Variants in HEATR9 observed in about 807,000 individuals in gnomAD.
HEATR9 encodes HEAT repeat containing 9, also known as protein HEATR9.
A neutral mutation model predicts 68.2 loss-of-function variants in HEATR9; 54 were observed. The ratio of observed to expected loss-of-function variants is 0.79; its 90% CI spans 0.64 to 0.99. The LOEUF is 0.99. Ranked by LOEUF, HEATR9 falls within the 50% of genes least tolerant of loss-of-function variation. The pLI is 0.00. For missense variants in HEATR9, 662 were observed against 679.7 expected, an observed-to-expected ratio of 0.97 and a Z score of 0.29; for synonymous variants, 241 against 253.5, an observed-to-expected ratio of 0.95 and a Z score of 0.47.
chr17:35,864,753 C>T lies in HEATR9; in HGVS notation c.453+5G>A, dbSNP rs1361175282. 6.2e-7 allele frequency: 1 copy of T among 1,614,092 alleles called. No individual in the cohort carries two copies. Among genetic ancestry groups the T allele is most frequent in the Non-Finnish European group, 8.5e-7 (1 of 1,180,042 alleles). ...CCCCCACGTCCTCTCCCACATGGTC[C>T]TGACCCTTAATCTTTGCCACTTCAG... On this transcript the variant is annotated splice_donor_5th_base_variant and intron_variant, in intron 4 of 14. Coordinates refer to ENST00000604834, the MANE Select transcript of HEATR9 (RefSeq NM_152781.4).
In HEATR9 at chr17:35,859,045, T is replaced by C. The variant is rs1384646448; in HGVS notation, c.782A>G (p.Lys261Arg). The C allele has an allele frequency of 6.2e-7, 1 of 1,614,194 alleles. No individual in the cohort carries two copies. The highest frequency in any genetic ancestry group is 8.5e-7 in the Non-Finnish European group (1 of 1,180,024). The change falls in exon 9 of 15, where the codon AAG (lysine) becomes AGG (arginine). Residue 261 changes from lysine to arginine, a missense_variant. Coordinates refer to ENST00000604834, the MANE Select transcript of HEATR9 (RefSeq NM_152781.4). ...DKRTQVGDEG[K>R]LVPVLQTLIK... ...CAGTGTCTGTAGTACAGGCACCAGC[T>C]TGCCCTCATCCCCGACTTGAGTCCT... is the stretch of plus-strand genomic sequence containing the variant.
chr17:35,857,140 T>TA (rs2087801789), intron 11 of HEATR9, among the ~76,000 whole-genome samples: 2 of 151,900 alleles, frequency 1.3e-5, no homozygotes, highest in Admixed American at 1.3e-4. Context: ...GAGAGCATAT[T>TA]AAAAAATCTG....
chr17:35,865,548 C>A (rs1249985673), intron 2 of HEATR9, 152 bp from the exon 3 acceptor site: 1 of 601,560 alleles, frequency 1.7e-6, no homozygotes, highest in African/African-American at 1.9e-5. Flanking sequence ...TACCACCTAA[C>A]CCCTTGCATA....
intron 8 of HEATR9, 61 bp downstream of exon 8, chr17:35,862,934 C>T (rs1200284319): frequency 6.2e-7 from 1 of 1,611,212 alleles, no homozygotes; most frequent in East Asian, 2.2e-5. Flanking sequence ...CAACCCCAAG[C>T]TAAACCTATC....
Position 35,858,258 on chromosome 17 carries a change from C to T in HEATR9, c.1094G>A (p.Gly365Glu), listed in dbSNP as rs747623830. Residue 365 changes from glycine (G) to glutamate (E), a missense_variant, in exon 11 of 15, where the codon GGG becomes GAG. Gly to Glu is a moderately conservative substitution (Grantham distance 98, BLOSUM62 -2). Coordinates refer to ENST00000604834, the MANE Select transcript of HEATR9 (RefSeq NM_152781.4). ...CAGGTTAAATGTGAGTTCCTCTAGC[C>T]CCTGTGCCTGGATCTGTTCCAGCCC... ...TIGLEQIQAQ[G>E]LEELTFNLLR... The T allele has an allele frequency of 6.2e-7, 1 of 1,614,078 alleles. No individual in the cohort carries two copies. Among genetic ancestry groups the T allele is most frequent in the Non-Finnish European group, 8.5e-7 (1 of 1,180,002 alleles).
intron 12 of HEATR9, 99 bp downstream of exon 12, chr17:35,856,633 T>TCACTGACCCTCTGACCCCTTCC: frequency 9.3e-7 from 1 of 1,076,772 alleles, no homozygotes; most frequent in East Asian, 2.6e-5. Context: ...TTCTCAGCTC[T>TCACTGACCCTCTGACCCCTTCC]CACTGACCCT....
chr17:35,855,400 G>A lies in HEATR9; in HGVS notation c.1376C>T (p.Thr459Ile). Residue 459 changes from threonine to isoleucine, a missense_variant, in exon 15 of 15, where the codon ACA (threonine) becomes ATA (isoleucine). By Grantham distance (89) the Thr-to-Ile change is moderately conservative (BLOSUM62 -1). Coordinates refer to ENST00000604834, the MANE Select transcript of HEATR9 (RefSeq NM_152781.4). ...ATCAATTGAGGCACAAAGGATTAATGTTTCTTGTAGCTGCATTGAAACAAA... is the reference window on the plus strand; with the variant it reads ...ATCAATTGAGGCACAAAGGATTAATATTTCTTGTAGCTGCATTGAAACAAA... ...HQAVKKSLQE[T>I]LILCASIDPW... is the part of the protein sequence containing the mutation. 1.2e-6 allele frequency: 2 copies of A among 1,612,582 alleles called. No individual in the cohort carries two copies. The highest frequency in any genetic ancestry group is 1.7e-6 in the Non-Finnish European group (2 of 1,179,080).
At chr17:35,868,172 T>C (rs2088276274) in intron 1 of HEATR9, among the ~76,000 whole-genome samples, 1 of 152,210 alleles carries the variant, frequency 6.6e-6, no homozygotes, top group African/African-American at 2.4e-5. Flanking sequence ...CAGAAGTGTT[T>C]CTTAGTGATT....
At chr17:35,857,133 A>G (rs1301935101) in intron 11 of HEATR9, among the ~76,000 whole-genome samples, 1 of 152,034 alleles carries the variant, frequency 6.6e-6, no homozygotes, top group Non-Finnish European at 1.5e-5. Flanking sequence ...CAGAGGGGAG[A>G]GCATATTAAA....
rs527563794 is a variant in HEATR9 at position 35,857,389 on chromosome 17, G to A, written c.1153-584C>T. On this transcript the variant is annotated intron_variant, in intron 11 of 14. Transcript: ENST00000604834. ...TGGAAGCAGCATAAGCCATCCACAG[G>A]GCATTGGGAGCCAATAGAAAGTTTT... 2.4e-4 allele frequency among the ~76,000 whole-genome samples: 36 copies of A among 152,234 alleles called. 1 individual carries two copies. In the South Asian group the frequency reaches 7.0e-3, roughly 30 times the overall value.
Position 35,856,226 on chromosome 17 carries a change from T to C in HEATR9, c.1227-2A>G. On this transcript the variant is annotated splice_acceptor_variant, in intron 12 of 14. Transcript: ENST00000604834. LOFTEE classifies it high-confidence loss of function. ...GTGGCATCTGGGTTCATCAGTTGTC[T>C]GTGTAGAAGGGAGTGAGTATGTTAT... is the stretch of plus-strand genomic sequence containing the variant. 1 of 1,614,116 alleles carries C rather than the reference T, an allele frequency of 6.2e-7. No individual in the cohort carries two copies. Among genetic ancestry groups the C allele is most frequent in the Non-Finnish European group, 8.5e-7 (1 of 1,180,002 alleles).
intron 13 of HEATR9, 30 bp downstream of exon 13, chr17:35,856,143 A>G (rs2087763225): frequency 1.2e-6 from 2 of 1,607,008 alleles, no homozygotes; most frequent in African/African-American, 1.3e-5. Context: ...CAACACAGGA[A>G]TTGGGTCAGA....
At chr17:35,863,164 G>A (rs1212929640) in intron 7 of HEATR9, 39 bp from the exon 8 acceptor site, 1 of 1,611,042 alleles carries the variant, frequency 6.2e-7, no homozygotes, top group African/African-American at 1.3e-5. Context: ...CAGAGCCTCT[G>A]GTACTGCCCC....
At chr17:35,865,157 C>T in intron 3 of HEATR9, 58 bp downstream of exon 3, 1 of 1,567,488 alleles carries the variant, frequency 6.4e-7, no homozygotes, top group East Asian at 2.2e-5. Flanking sequence ...CCTTGCCCTT[C>T]CTCACTTTCC....
At position 35,856,197 on chromosome 17, in the gene HEATR9, T is replaced by C; in HGVS notation, c.1254A>G (p.Ala418=). Residue 418 remains alanine (A), a synonymous_variant, in exon 13 of 15, where the codon GCA becomes GCG. Transcript: ENST00000604834. ...CCAAAGAGATGACTGCTTCCTGGCG[T>C]GCAGTGGCATCTGGGTTCATCAGTT... The part of the protein sequence containing the change: ...EAQLMNPDAT[A]RQEAVISLGV... 3 of 1,614,172 alleles carry C rather than the reference T, an allele frequency of 1.9e-6. No individual in the cohort carries two copies. The highest frequency in any genetic ancestry group is 2.5e-6 in the Non-Finnish European group (3 of 1,180,010).
chr17:35,861,001 A>T (rs1318343559), intron 8 of HEATR9: 1 of 605,860 alleles, frequency 1.7e-6, no homozygotes, highest in Non-Finnish European at 3.0e-6. Context: ...AGCCGAGATC[A>T]TGCCACTGCA....
chr17:35,861,045 CAAAA>C, intron 8 of HEATR9: 1 of 638,692 alleles, frequency 1.6e-6, no homozygotes. Flanking sequence ...GATTCGGTCT[CAAAA>C]AAAAAAAGAA....
chr17:35,862,712 C>T (rs1183192666), intron 8 of HEATR9, among the ~76,000 whole-genome samples: 3 of 152,102 alleles, frequency 2.0e-5, no homozygotes, highest in Non-Finnish European at 1.5e-5. Context: ...ATTGTAAAGT[C>T]GAAAAATCGT....
Position 35,865,323 on chromosome 17 carries a change from T to C in HEATR9, c.212A>G (p.Tyr71Cys). The C allele has an allele frequency of 5.3e-6, 8 of 1,496,670 alleles. No individual in the cohort carries two copies. The highest frequency in any genetic ancestry group is 4.1e-5 in the African/African-American group (2 of 48,904). 92.7% of individuals were successfully genotyped at this position (1,496,670 alleles called of 1,614,324 possible). The change falls in exon 3 of 15, where the codon TAC (tyrosine) becomes TGC (cysteine). Residue 71 changes from tyrosine to cysteine, a missense_variant. By Grantham distance (194) the Tyr-to-Cys change is radical (BLOSUM62 -2). Transcript: ENST00000604834. Reference protein sequence around the residue: ...QHPSKPNSVPYCYFKKPEIYT... With the variant: ...QHPSKPNSVPCCYFKKPEIYT... ...GATCTCAGGTTTCTTGAAGTAGCAG[T>C]ACGGGACTGAGTTTGGCTTGCTCGG...
Sources: allele counts gnomAD v4.1 joint callset (sites outside exome capture counted in the v4.1 genomes callset), GRCh38; gene constraint gnomAD v4.1.1; transcripts MANE v1.5; gene names NCBI Gene and HGNC (gene_info 2026-07-23, HGNC 2026-07-21).